Variants in MANBA observed in about 807,000 individuals in gnomAD.
MANBA encodes the protein beta-mannosidase.
MANBA carries 83 observed loss-of-function variants against 111.1 expected under a neutral mutation model. The observed-to-expected ratio is 0.75, with a 90% CI of 0.63 to 0.90. The LOEUF is 0.90. Among genes scored for constraint, MANBA ranks in the 40% least tolerant of loss-of-function variants. The pLI, the probability that MANBA is intolerant of heterozygous loss-of-function variation, is 0.00. For synonymous variants in MANBA, 370 were observed against 378.7 expected (o/e 0.98, Z 0.27); for missense variants, 1,036 against 1,069.0 (o/e 0.97, Z 0.43).
At chr4:102,661,583 G>A (rs756061388) in intron 11 of MANBA, among the ~76,000 whole-genome samples, 1 of 152,248 alleles carries the variant, frequency 6.6e-6, no homozygotes, top group Non-Finnish European at 1.5e-5. Flanking sequence ...AATTGGCCTT[G>A]ATTGATCAAG....
chr4:102,733,514 C>T (rs1257980386), intron 1 of MANBA, among the ~76,000 whole-genome samples: 1 of 152,120 alleles, frequency 6.6e-6, no homozygotes, highest in Non-Finnish European at 1.5e-5. Context: ...CCACCACTCC[C>T]AGCTAATTTT....
In MANBA at chr4:102,690,733, T is replaced by TCC; in HGVS notation, c.711_712insGG (p.Thr238GlyfsTer15). 1 of 1,594,370 alleles carries TCC rather than the reference T, an allele frequency of 6.3e-7. No individual in the cohort carries two copies. The highest frequency in any genetic ancestry group is 1.7e-4 in the Middle Eastern group (1 of 5,976). On this transcript the variant is annotated frameshift_variant, in exon 6 of 17. Coordinates refer to ENST00000647097, the MANE Select transcript of MANBA (RefSeq NM_005908.4). LOFTEE classifies it high-confidence loss of function. ...GGCTTTGAGCTGACAACATCAAATG[T>TCC]AGACTCTATTTCCAGATTCCACTCC...
chr4:102,635,049 G>T lies in MANBA; in HGVS notation c.2158-4C>A. The T allele has an allele frequency of 1.2e-6, 2 of 1,613,968 alleles. No homozygotes were observed. Among genetic ancestry groups the T allele is most frequent in the Non-Finnish European group, 1.7e-6 (2 of 1,179,882 alleles). On this transcript the variant is annotated splice_polypyrimidine_tract_variant and splice_region_variant and intron_variant, in intron 15 of 16. Coordinates refer to ENST00000647097, the MANE Select transcript of MANBA (RefSeq NM_005908.4). ...AGCTCCATGTATGGACTCTCACCTG[G>T]GGAGAAATAAAACAGAATAAAAACA...
At chr4:102,719,738 C>A (rs962515104) in intron 4 of MANBA, among the ~76,000 whole-genome samples, 1 of 152,212 alleles carries the variant, frequency 6.6e-6, no homozygotes, top group Non-Finnish European at 1.5e-5. Context: ...GCTCCATGTA[C>A]AAATGACGGG....
Position 102,688,386 on chromosome 4 carries a change from TACACACACAC to T in MANBA, c.960+1178_960+1187del, listed in dbSNP as rs70937563. Among the ~76,000 whole-genome samples the T allele has an allele frequency of 3.6e-5, 5 of 140,570 alleles. No individual in the cohort carries two copies. In the South Asian group the frequency reaches 9.6e-4, roughly 27 times the overall value. The allele number at this position is 140,570 out of a possible 152,430, so 92.2% of individuals were successfully genotyped here. ...TCTTTCTCTCTCTCCCCTCCCCCCT[TACACACACAC>T]ACACACACACACACACACACATTCA... On this transcript the variant is annotated intron_variant, in intron 7 of 16. Coordinates refer to ENST00000647097, the MANE Select transcript of MANBA (RefSeq NM_005908.4).
intron 1 of MANBA, among the ~76,000 whole-genome samples, chr4:102,736,119 G>C (rs1166492165): frequency 6.6e-6 from 1 of 152,154 alleles, no homozygotes; most frequent in Non-Finnish European, 1.5e-5. Context: ...AGACTCTAAA[G>C]CTCAACTCAA....
At chr4:102,736,649 A>T (rs1010627718) in intron 1 of MANBA, among the ~76,000 whole-genome samples, 3 of 152,264 alleles carry the variant, frequency 2.0e-5, no homozygotes, top group African/African-American at 7.2e-5. Flanking sequence ...TATCAAAAAC[A>T]AGCAAAATGT....
chr4:102,652,614 G>A (rs1329277688), intron 12 of MANBA, among the ~76,000 whole-genome samples: 1 of 152,128 alleles, frequency 6.6e-6, no homozygotes, highest in African/African-American at 2.4e-5. Flanking sequence ...AACCCGGCCG[G>A]ATGCAGTGTT....
intron 1 of MANBA, among the ~76,000 whole-genome samples, chr4:102,754,802 G>A (rs961892084): frequency 1.3e-5 from 2 of 151,992 alleles, no homozygotes; most frequent in Non-Finnish European, 2.9e-5. Flanking sequence ...GTGATCTGCC[G>A]CCTTGGCCTC....
chr4:102,752,288 T>A, intron 1 of MANBA: 1 of 1,318,314 alleles, frequency 7.6e-7, no homozygotes, highest in Non-Finnish European at 1.1e-6. Flanking sequence ...TTAATTGTAT[T>A]TCCCATTCTC....
intron 13 of MANBA, among the ~76,000 whole-genome samples, chr4:102,641,825 A>G (rs1002350827): frequency 1.3e-5 from 2 of 151,928 alleles, no homozygotes; most frequent in Admixed American, 1.3e-4. Flanking sequence ...TCAAAATTTG[A>G]AAAAATTTTA....
At chr4:102,689,797 A>C in intron 6 of MANBA, 113 bp from the exon 7 acceptor site, 1 of 704,280 alleles carries the variant, frequency 1.4e-6, no homozygotes, top group South Asian at 1.5e-5. Context: ...GTTCTAAAAC[A>C]ATGTAAGTCT....
intron 1 of MANBA, among the ~76,000 whole-genome samples, chr4:102,738,530 T>A (rs1244462050): frequency 6.6e-6 from 1 of 152,086 alleles, no homozygotes; most frequent in Non-Finnish European, 1.5e-5. Context: ...CTCTCAGAAA[T>A]CCCCGTCCCT....
chr4:102,753,375 C>T (rs6856313), intron 1 of MANBA, among the ~76,000 whole-genome samples: 4,862 of 152,104 alleles, frequency 0.032, 253 homozygotes, highest in African/African-American at 0.11. Context: ...ATGAACACTA[C>T]ATAAATACGT....
Position 102,632,300 on chromosome 4 carries a change from A to G in MANBA, c.2416-19T>C. On this transcript the variant is annotated intron_variant, in intron 16 of 16. Coordinates refer to ENST00000647097, the MANE Select transcript of MANBA (RefSeq NM_005908.4). ...TGATGGCCTGAAAAAGAAAAAAAAA[A>G]ATGAATGAAGTGAAGGATGAGGGAA... The G allele has an allele frequency of 6.5e-7, 1 of 1,540,704 alleles. No homozygotes were observed.
At chr4:102,700,904 T>C (rs974763055) in intron 5 of MANBA, among the ~76,000 whole-genome samples, 8 of 152,276 alleles carry the variant, frequency 5.3e-5, no homozygotes, top group Admixed American at 5.2e-4. Flanking sequence ...GTTCAATTCC[T>C]GGGTATCCTT....
At chr4:102,664,143 AGCATTGTAAGCACT>A (rs1731094562) in intron 11 of MANBA, among the ~76,000 whole-genome samples, 1 of 152,190 alleles carries the variant, frequency 6.6e-6, no homozygotes, top group African/African-American at 2.4e-5. Flanking sequence ...GTGACAACCT[AGCATTGTAAGCACT>A]GCATTGGTGT....
At chr4:102,737,411 G>A (rs1397201486) in intron 1 of MANBA, among the ~76,000 whole-genome samples, 1 of 152,160 alleles carries the variant, frequency 6.6e-6, no homozygotes, top group Non-Finnish European at 1.5e-5. Flanking sequence ...TGCTGTTGGG[G>A]GGGCACAGTA....
At chr4:102,661,157 A>G (rs1180656588) in intron 11 of MANBA, among the ~76,000 whole-genome samples, 1 of 152,120 alleles carries the variant, frequency 6.6e-6, no homozygotes, top group Non-Finnish European at 1.5e-5. Context: ...CATTGTTTTC[A>G]TGACCTAAAG....
Sources: gnomAD v4.1 joint callset for allele counts (sites outside exome capture counted in the v4.1 genomes callset) on GRCh38, gnomAD v4.1.1 for gene constraint, MANE v1.5 for transcripts, NCBI Gene and HGNC (gene_info 2026-07-23, HGNC 2026-07-21) for gene names.